HP: variants seen among roughly 807,000 people sequenced by gnomAD.
The protein encoded by HP is haptoglobin.
A neutral mutation model predicts 23.2 loss-of-function variants in HP; 9 were observed. The observed-to-expected ratio is 0.39, with a 90% CI of 0.23 to 0.68. The LOEUF (loss-of-function observed/expected upper bound fraction) is 0.68, where lower values mean the gene tolerates loss of function less well. HP is among the 30% of genes least tolerant of loss of function. HP has a pLI of 0.47. For missense variants in HP, 433 were observed against 483.6 expected, an observed-to-expected ratio of 0.90 and a Z score of 0.98; for synonymous variants, 155 against 183.3, an observed-to-expected ratio of 0.85 and a Z score of 1.25.
At position 72,060,661 on chromosome 16, in the gene HP, A is replaced by T. The variant is rs1210190033; in HGVS notation, c.992A>T (p.Gln331Leu). The T allele has an allele frequency of 1.2e-6, 2 of 1,614,204 alleles. No homozygotes were observed. Among genetic ancestry groups the T allele is most frequent in the Admixed American group, 1.7e-5 (1 of 60,032 alleles). The change falls in exon 7 of 7, where the codon CAG (glutamine) becomes CTG (leucine). Residue 331 changes from glutamine (Q) to leucine (L), a missense_variant. By Grantham distance (113) the Gln-to-Leu change is moderately radical. Around this residue, in one of 3 missense-constraint regions of HP, gnomAD observed 326 missense variants for 358.1 expected, o/e 0.91. Transcript: ENST00000355906. ...ACACCGAAGAGCCCTGTAGGGGTGC[A>T]GCCCATACTGAATGAACACACCTTC... Reference protein sequence around the residue: ...KKTPKSPVGVQPILNEHTFCA... With the variant: ...KKTPKSPVGVLPILNEHTFCA...
At chr16:72,059,012 C>T (rs1201341742) in intron 5 of HP, 102 bp from the exon 6 acceptor site, 1 of 1,246,568 alleles carries the variant, frequency 8.0e-7, no homozygotes, top group East Asian at 2.4e-5. Flanking sequence ...TTTTTGTCCC[C>T]TTTTCCTCTT....
At chr16:72,059,715 C>T (rs1160848678) in intron 6 of HP, 6 of 309,766 alleles carry the variant, frequency 1.9e-5, no homozygotes, top group South Asian at 8.4e-5. Flanking sequence ...ATCTGAGCTC[C>T]AGCCAGTGCT....
intron 1 of HP, 123 bp downstream of exon 1, chr16:72,054,780 C>G (rs1467150768): frequency 6.6e-7 from 1 of 1,518,678 alleles, no homozygotes; most frequent in Non-Finnish European, 9.0e-7. Flanking sequence ...TTATAGTGAA[C>G]CAAAGGGCTT....
At position 72,056,501 on chromosome 16, in the gene HP, C is replaced by T. The variant is rs560985803; in HGVS notation, c.89-29C>T. On this transcript the variant is annotated intron_variant, in intron 2 of 6. Coordinates refer to ENST00000355906, the MANE Select transcript of HP (RefSeq NM_005143.5). ...TTCACTGGGAACAATTTCCAAATAGCAAACTCTCTGGCTTCTCTCTCTTTG... is the reference window on the plus strand; with the variant it reads ...TTCACTGGGAACAATTTCCAAATAGTAAACTCTCTGGCTTCTCTCTCTTTG... The T allele has an allele frequency of 2.0e-6, 3 of 1,472,046 alleles. No homozygotes were observed. In the African/African-American group the frequency reaches 4.3e-5, roughly 21 times the overall value. 91.2% of individuals were successfully genotyped at this position (1,472,046 alleles called of 1,614,324 possible).
Position 72,060,155 on chromosome 16 carries a change from C to G in HP, c.486C>G (p.Ile162Met). Residue 162 changes from isoleucine (I) to methionine (M), a missense_variant, in exon 7 of 7, where the codon ATC (isoleucine) becomes ATG (methionine). Coordinates refer to ENST00000355906, the MANE Select transcript of HP (RefSeq NM_005143.5). ...ATCCGGCAAACCCAGTGCAGCGGAT[C>G]CTGGGTGGACACCTGGATGCCAAAG... ...PKNPANPVQR[I>M]LGGHLDAKGS... 1.2e-6 allele frequency: 2 copies of G among 1,613,856 alleles called. No homozygotes were observed. Among genetic ancestry groups the G allele is most frequent in the Non-Finnish European group, 1.7e-6 (2 of 1,179,924 alleles).
chr16:72,060,374 G>T lies in HP; in HGVS notation c.705G>T (p.Lys235Asn). ...AAAAGCAGCTTGTAGAGATTGAGAA[G>T]GTTGTTCTACACCCTAACTACTCCC... ...VGKKQLVEIE[K>N]VVLHPNYSQV... is the part of the protein sequence containing the mutation. Residue 235 changes from lysine (K) to asparagine (N), a missense_variant, in exon 7 of 7, where the codon AAG becomes AAT. Coordinates refer to ENST00000355906, the MANE Select transcript of HP (RefSeq NM_005143.5). 6.2e-7 allele frequency: 1 copy of T among 1,614,122 alleles called. No individual in the cohort carries two copies.
chr16:72,056,373 G>T (rs2041463211), intron 2 of HP, 130 bp downstream of exon 2: 2 of 1,562,508 alleles, frequency 1.3e-6, no homozygotes, highest in South Asian at 2.3e-5. Context: ...GAACATTGGG[G>T]TTCCTGCCAG....
intron 1 of HP, chr16:72,055,018 T>A (rs2041436800): frequency 2.3e-6 from 1 of 433,344 alleles, no homozygotes; most frequent in Admixed American, 3.8e-5. Flanking sequence ...TAGTAACACA[T>A]TTGAATGACA....
At position 72,060,612 on chromosome 16, in the gene HP, G is replaced by A. The variant is rs1371502621; in HGVS notation, c.943G>A (p.Gly315Ser). The A allele has an allele frequency of 6.2e-7, 1 of 1,614,078 alleles. No homozygotes were observed. Among genetic ancestry groups the A allele is most frequent in the Non-Finnish European group, 8.5e-7 (1 of 1,180,062 alleles). The change falls in exon 7 of 7, where the codon GGC becomes AGC. Residue 315 changes from glycine (G) to serine (S), a missense_variant. Gly to Ser is a moderately conservative substitution (Grantham distance 56, BLOSUM62 0). Coordinates refer to ENST00000355906, the MANE Select transcript of HP (RefSeq NM_005143.5). ...DQDQCIRHYE[G>S]STVPEKKTPK... is the part of the protein sequence containing the mutation. ...AGACCAATGCATAAGGCATTATGAA[G>A]GCAGCACAGTCCCCGAAAAGAAGAC...
At chr16:72,059,881 T>C in intron 6 of HP, 3 of 1,023,510 alleles carry the variant, frequency 2.9e-6, no homozygotes, top group South Asian at 1.8e-5. Context: ...TATTTCCCAC[T>C]TCCTTTGTTA....
chr16:72,058,160 T>C lies in HP; in HGVS notation c.266-94T>C. On this transcript the variant is annotated intron_variant, in intron 4 of 6. Transcript: ENST00000355906. Reference sequence around the variant, plus strand: ...GCTTCTATTCGGGGTGGAAGGAGATTGATGTGCAGAGCAGCTCCCGCTCAT... The same window carrying C: ...GCTTCTATTCGGGGTGGAAGGAGATCGATGTGCAGAGCAGCTCCCGCTCAT... The C allele has an allele frequency of 7.9e-6, 8 of 1,015,928 alleles. No homozygotes were observed. In the South Asian group the frequency reaches 9.1e-5, roughly 12 times the overall value. 62.9% of individuals were successfully genotyped at this position (1,015,928 alleles called of 1,614,324 possible). A position where few individuals can be genotyped will look rare whatever the true frequency, so the allele number is the denominator to read the frequency against.
rs2041459872 is a variant in HP, at chr16:72,056,220, G to A, written c.65G>A (p.Gly22Asp). 4 of 1,614,040 alleles carry A rather than the reference G, an allele frequency of 2.5e-6. No individual in the cohort carries two copies. Among genetic ancestry groups the A allele is most frequent in the Non-Finnish European group, 2.5e-6 (3 of 1,179,988 alleles). ...LWGQLFAVDS[G>D]NDVTDIADDG... ...GGACAGCTTTTTGCAGTGGACTCAG[G>A]CAATGATGTCACGGATATCGCAGGT... Residue 22 changes from glycine to aspartate, a missense_variant, in exon 2 of 7, where the codon GGC (glycine) becomes GAC (aspartate). Transcript: ENST00000355906.
rs1244125741 is a variant in HP, at chr16:72,054,611, A to T, written c.-42A>T. ...AGTGGCAGCATAAAAAGACCAGCAG[A>T]TGCCCCACAGCACTGCTCTTCCAGA... On this transcript the variant is annotated 5_prime_UTR_variant, in exon 1 of 7. The change abolishes an upstream ATG in the 5' untranslated region. Transcript: ENST00000355906. 7 of 1,606,542 alleles carry T rather than the reference A, an allele frequency of 4.4e-6. No homozygotes were observed. Among genetic ancestry groups the T allele is most frequent in the South Asian group, 2.2e-5 (2 of 90,112 alleles).
intron 4 of HP, 186 bp downstream of exon 4, chr16:72,057,652 G>A: frequency 1.3e-6 from 1 of 785,308 alleles, no homozygotes; most frequent in South Asian, 1.6e-5. Context: ...GGGTCACCAA[G>A]GGTCTTGTTC....
intron 1 of HP, 185 bp from the exon 2 acceptor site, chr16:72,055,976 G>A: frequency 9.3e-7 from 1 of 1,072,032 alleles, no homozygotes; most frequent in Non-Finnish European, 1.4e-6. Flanking sequence ...ATGGGCAGGT[G>A]TGGGGGCAAT....
chr16:72,059,897 G>C, intron 6 of HP: 1 of 1,155,716 alleles, frequency 8.7e-7, no homozygotes, highest in East Asian at 2.6e-5. Flanking sequence ...TGTTAGAAAA[G>C]TGGGAAATAG....
intron 6 of HP, chr16:72,059,817 G>C (rs1203617921): frequency 9.0e-6 from 5 of 556,560 alleles, no homozygotes; most frequent in Non-Finnish European, 1.5e-5. Context: ...TTCCTTTATT[G>C]GGATAATTGT....
intron 6 of HP, 109 bp from the exon 7 acceptor site, chr16:72,060,003 A>C: frequency 3.2e-6 from 5 of 1,549,350 alleles, no homozygotes; most frequent in Non-Finnish European, 4.4e-6. Context: ...AAAGCATTTA[A>C]ATCTTTCTAC....
At chr16:72,058,751 CAG>C (rs1168588223) in intron 5 of HP, 2 of 321,678 alleles carry the variant, frequency 6.2e-6, no homozygotes, top group Admixed American at 4.6e-5. Flanking sequence ...TCCCTCTGAA[CAG>C]AGTTTATTGT....
Sources: gnomAD v4.1 joint callset for allele counts on GRCh38, gnomAD v4.1.1 for gene constraint, gnomAD v4.1.1 regional missense constraint, MANE v1.5 for transcripts, NCBI Gene and HGNC (gene_info 2026-07-23, HGNC 2026-07-21) for gene names.